The following APAF1 variants were observed in gnomAD, a reference collection of about 807,000 sequenced individuals.
The protein encoded by APAF1 is apoptotic peptidase activating factor 1.
A neutral mutation model predicts 152.4 loss-of-function variants in APAF1; 91 were observed. That is an observed-to-expected ratio of 0.60 (90% CI 0.50 to 0.71). The LOEUF (loss-of-function observed/expected upper bound fraction) is 0.71. APAF1 is among the 30% of genes least tolerant of loss of function. The pLI is 0.00. For synonymous variants in APAF1, 484 were observed against 494.1 expected, an observed-to-expected ratio of 0.98 and a Z score of 0.27; for missense variants, 1,283 against 1,472.0, an observed-to-expected ratio of 0.87 and a Z score of 2.10.
Position 98,699,492 on chromosome 12 carries a change from A to G in APAF1, c.2389A>G (p.Met797Val), listed in dbSNP as rs764323516. 1.1e-5 allele frequency: 17 copies of G among 1,614,074 alleles called. 1 individual carries two copies. In the South Asian group the frequency reaches 1.3e-4, roughly 13 times the overall value. The change falls in exon 17 of 27, where the codon ATG (methionine) becomes GTG (valine). Residue 797 changes from methionine (M) to valine (V), a missense_variant. Transcript: ENST00000551964. ...FLNLEDPQED[M>V]EVIVKCCSWS... ...AAATTTGGAGGACCCTCAAGAGGAT[A>G]TGGAAGTGATAGTGAAGTGTTGTTC... is the stretch of plus-strand genomic sequence containing the variant.
At chr12:98,694,000 T>C (rs1490726322) in intron 16 of APAF1, among the ~76,000 whole-genome samples, 1 of 152,170 alleles carries the variant, frequency 6.6e-6, no homozygotes, top group Non-Finnish European at 1.5e-5. Flanking sequence ...ATGCATAGTT[T>C]AACAAGGCCA....
chr12:98,685,923 C>G (rs529989722), intron 15 of APAF1, among the ~76,000 whole-genome samples: 1 of 152,250 alleles, frequency 6.6e-6, no homozygotes, highest in Non-Finnish European at 1.5e-5. Context: ...AGGGGTGAGC[C>G]GCCATGTCCA....
Position 98,718,756 on chromosome 12 carries a change from G to A in APAF1, c.3084+3204G>A, listed in dbSNP as rs560035307. Among the ~76,000 whole-genome samples the A allele has an allele frequency of 2.0e-5, 3 of 151,640 alleles. No individual in the cohort carries two copies. In the East Asian group the frequency reaches 5.9e-4, roughly 30 times the overall value. ...TAGAGACCAGCCTGGGCAACATAGC[G>A]AGACCCCATCTCTGCAAAACAAAAT... On this transcript the variant is annotated intron_variant, in intron 22 of 26. Transcript: ENST00000551964.
At position 98,734,377 on chromosome 12, in the gene APAF1, C is replaced by A. The variant is rs2097766130; in HGVS notation, c.*1811C>A. ...AAGCGTAAATCTAAAGAAACATTTT[C>A]TCTGAAATATATTATTAAGGGCAAT... On this transcript the variant is annotated 3_prime_UTR_variant, in exon 27 of 27. Transcript: ENST00000551964. 6.6e-6 allele frequency: 1 copy of A among 152,282 alleles called. No individual in the cohort carries two copies. Among genetic ancestry groups the A allele is most frequent in the Non-Finnish European group, 1.5e-5 (1 of 68,016 alleles). 9.4% of individuals were successfully genotyped at this position (152,282 alleles called of 1,614,324 possible). A position where few individuals can be genotyped will look rare whatever the true frequency, so the allele number is the denominator to read the frequency against.
intron 4 of APAF1, among the ~76,000 whole-genome samples, chr12:98,657,180 C>T (rs2097658858): frequency 6.6e-6 from 1 of 152,202 alleles, no homozygotes; most frequent in African/African-American, 2.4e-5. Flanking sequence ...TACCCACCTC[C>T]ACCCATTTTA....
At position 98,735,263 on chromosome 12, in the gene APAF1, A is replaced by G. The variant is rs1162703232; in HGVS notation, c.*2697A>G. 3 of 399,640 alleles carry G rather than the reference A, an allele frequency of 7.5e-6. No individual in the cohort carries two copies. The highest frequency in any genetic ancestry group is 4.1e-5 in the African/African-American group (2 of 48,634). 24.8% of individuals were successfully genotyped at this position (399,640 alleles called of 1,614,324 possible). ...TGTATTTTTTTGTATTATAAATTAC[A>G]TTGGACTTCATATATATAATTTTTT... is the stretch of plus-strand genomic sequence containing the variant. On this transcript the variant is annotated 3_prime_UTR_variant, in exon 27 of 27. Transcript: ENST00000551964.
intron 1 of APAF1, 134 bp from the exon 2 acceptor site, chr12:98,648,185 T>C: frequency 1.3e-6 from 1 of 754,972 alleles, no homozygotes; most frequent in Non-Finnish European, 2.2e-6. Flanking sequence ...AGCACTGGGT[T>C]TTGTCCATTT....
Position 98,696,926 on chromosome 12 carries a change from C to A in APAF1, c.2305-2482C>A, listed in dbSNP as rs148495006. Among the ~76,000 whole-genome samples the A allele has an allele frequency of 1.7e-3, 266 of 152,206 alleles. 1 individual carries two copies. The highest frequency in any genetic ancestry group is 6.2e-3 in the African/African-American group (257 of 41,534). On this transcript the variant is annotated intron_variant, in intron 16 of 26. Transcript: ENST00000551964. ...TACTTCCTGGCTGTTCTGAACTGTT[C>A]AGAATAAAGTTGGAGAGAACATAAG...
chr12:98,731,109 C>T (rs1181181055), intron 26 of APAF1, among the ~76,000 whole-genome samples: 1 of 152,188 alleles, frequency 6.6e-6, no homozygotes, highest in East Asian at 1.9e-4. Context: ...CTGCCTCTGC[C>T]ACTCATTAGC....
intron 20 of APAF1, among the ~76,000 whole-genome samples, chr12:98,711,796 A>C (rs1033841859): frequency 6.6e-6 from 1 of 152,230 alleles, no homozygotes; most frequent in Non-Finnish European, 1.5e-5. Flanking sequence ...TATGCTTATG[A>C]GTTCTTCTCC....
Position 98,686,883 on chromosome 12 carries a change from T to C in APAF1, c.2304+10T>C, listed in dbSNP as rs146217019. ...TGATGGAACCTTAAAGGTATGCTTT[T>C]GTACACTATTAAAATAGGTTGTATT... On this transcript the variant is annotated intron_variant, in intron 16 of 26. Transcript: ENST00000551964. 2.5e-5 allele frequency: 41 copies of C among 1,613,310 alleles called. No homozygotes were observed. The African/African-American group carries it at 4.4e-4, about 17-fold the overall frequency.
At chr12:98,713,828 C>T (rs977175976) in intron 21 of APAF1, among the ~76,000 whole-genome samples, 1 of 152,124 alleles carries the variant, frequency 6.6e-6, no homozygotes, top group Non-Finnish European at 1.5e-5. Context: ...CATATGGCCC[C>T]ACAGAGAAGA....
rs192935446 is a variant in APAF1 at position 98,690,596 on chromosome 12, G to A, written c.2304+3723G>A. On this transcript the variant is annotated intron_variant, in intron 16 of 26. Transcript: ENST00000551964. Reference sequence around the variant, plus strand: ...TTAGCATGTTTGCCATTATTATTAGGTTGCCAAATGTTCAAGAAAGCTGTA... The same window carrying A: ...TTAGCATGTTTGCCATTATTATTAGATTGCCAAATGTTCAAGAAAGCTGTA... Among the ~76,000 whole-genome samples, 207 of 152,186 alleles carry A rather than the reference G, an allele frequency of 1.4e-3. 3 individuals are homozygous for A. Among genetic ancestry groups the A allele is most frequent in the Admixed American group, 3.0e-3 (46 of 15,290 alleles).
Position 98,702,096 on chromosome 12 carries a change from C to T in APAF1, c.2467-1275C>T, listed in dbSNP as rs954551581. On this transcript the variant is annotated intron_variant, in intron 17 of 26. Coordinates refer to ENST00000551964, the MANE Select transcript of APAF1 (RefSeq NM_181861.2). ...TTTTTTTTTTTTTGAGATGGAGTCT[C>T]GCTCTTTCGCCCAGGCTGGAGTGCA... 2.6e-5 allele frequency among the ~76,000 whole-genome samples: 4 copies of T among 151,720 alleles called. No individual in the cohort carries two copies. The East Asian group carries it at 5.8e-4, about 22-fold the overall frequency.
At chr12:98,667,170 C>T (rs1257827172) in intron 9 of APAF1, among the ~76,000 whole-genome samples, 5 of 151,424 alleles carry the variant, frequency 3.3e-5, no homozygotes, top group Non-Finnish European at 7.4e-5. Flanking sequence ...TGCAGTGGCT[C>T]ACTGCAATCT....
chr12:98,677,265 T>A (rs1300250416), intron 12 of APAF1, among the ~76,000 whole-genome samples, 160 bp from the exon 13 acceptor site: 1 of 152,190 alleles, frequency 6.6e-6, no homozygotes, highest in Non-Finnish European at 1.5e-5. Flanking sequence ...TTTCTTTTGG[T>A]GATCTGTGCT....
chr12:98,671,768 C>A (rs757009936), intron 12 of APAF1, 49 bp downstream of exon 12: 16 of 1,557,346 alleles, frequency 1.0e-5, no homozygotes. Context: ...CTAACTATAT[C>A]ATTATTTTTC....
chr12:98,667,825 G>A (rs774906739), intron 10 of APAF1, among the ~76,000 whole-genome samples, 181 bp downstream of exon 10: 8 of 126,518 alleles, frequency 6.3e-5, no homozygotes, highest in Admixed American at 3.8e-4. Flanking sequence ...AGGCTGGAGT[G>A]CAGTGGCACA....
rs1453618386 is a variant in APAF1 at position 98,734,550 on chromosome 12, CTG to C, written c.*1987_*1988del. On this transcript the variant is annotated 3_prime_UTR_variant, in exon 27 of 27. Coordinates refer to ENST00000551964, the MANE Select transcript of APAF1 (RefSeq NM_181861.2). ...TTATTGTTGGTGCATATTAGTATAA[CTG>C]TGGGGTAGGTCGGGGAGAGGGTAAG... is the stretch of plus-strand genomic sequence containing the variant. 1.3e-5 allele frequency: 2 copies of C among 152,524 alleles called. No individual in the cohort carries two copies. Among genetic ancestry groups the C allele is most frequent in the South Asian group, 2.1e-4 (1 of 4,822 alleles). The allele number at this position is 152,524 out of a possible 1,614,324, so 9.4% of individuals were successfully genotyped here.
Sources: allele counts gnomAD v4.1 joint callset (sites outside exome capture counted in the v4.1 genomes callset), GRCh38; gene constraint gnomAD v4.1.1; transcripts MANE v1.5; gene names NCBI Gene and HGNC (gene_info 2026-07-23, HGNC 2026-07-21).